The following CDT1 variants were observed in gnomAD, a reference collection of about 807,000 sequenced individuals.
CDT1 encodes the protein chromatin licensing and DNA replication factor 1, also known as DNA replication factor Cdt1.
CDT1 carries 66 observed loss-of-function variants against 49.3 expected under a neutral mutation model. The ratio of observed to expected loss-of-function variants is 1.34; its 90% CI spans 1.10 to 1.64. CDT1 has a LOEUF of 1.64. Ranked by LOEUF, CDT1 falls within the 40% of genes most tolerant of loss-of-function variation. CDT1 has a pLI of 0.00. For synonymous variants in CDT1, 424 were observed against 347.4 expected (o/e 1.22, Z -2.45); for missense variants, 958 against 807.7 (o/e 1.19, Z -2.26).
At chr16:88,805,092 G>C (rs1908800258) in intron 3 of CDT1, among the ~76,000 whole-genome samples, 194 bp downstream of exon 3, 1 of 152,212 alleles carries the variant, frequency 6.6e-6, no homozygotes, top group Non-Finnish European at 1.5e-5. Context: ...TCCCTCCTGC[G>C]GGGGGCAGCT....
chr16:88,804,471 T>G, intron 1 of CDT1, 74 bp from the exon 2 acceptor site: 1 of 1,561,338 alleles, frequency 6.4e-7, no homozygotes, highest in South Asian at 1.2e-5. Context: ...CGGCTTCTGA[T>G]CCTTCGGGGT....
At chr16:88,806,151 G>A (rs1249396136) in intron 6 of CDT1, 30 bp downstream of exon 6, 1 of 1,535,328 alleles carries the variant, frequency 6.5e-7, no homozygotes, top group South Asian at 1.2e-5. Context: ...GCTGTGTGAA[G>A]ATGGTGGCAC....
At chr16:88,806,919 G>C (rs1169320562) in intron 7 of CDT1, 132 bp from the exon 8 acceptor site, 8 of 1,293,402 alleles carry the variant, frequency 6.2e-6, no homozygotes, top group Non-Finnish European at 8.9e-6. Flanking sequence ...CTGGGACACT[G>C]CATTGACCGG....
chr16:88,806,352 AG>A, intron 6 of CDT1, 133 bp from the exon 7 acceptor site: 1 of 1,177,646 alleles, frequency 8.5e-7, no homozygotes. Context: ...TCTCCCTCCA[AG>A]CTGAGCACTG....
At position 88,804,655 on chromosome 16, in the gene CDT1, C is replaced by G. The variant is rs751510412; in HGVS notation, c.339C>G (p.Ser113=). The stretch of plus-strand genomic sequence containing the variant: ...CAGGTCAGCCGCCCCACCTGACATC[C>G]GCGCAGGACCAGGTGAGGGGCGGGG... ...PAAGQPPHLT[S]AQDQDTISEL... Residue 113 remains serine (S), a synonymous_variant, in exon 2 of 10, where the codon TCC becomes TCG. Transcript: ENST00000301019. 11 of 1,612,428 alleles carry G rather than the reference C, an allele frequency of 6.8e-6. No homozygotes were observed. In the Admixed American group the frequency reaches 1.8e-4, roughly 27 times the overall value.
intron 6 of CDT1, 149 bp from the exon 7 acceptor site, chr16:88,806,337 T>C (rs551998879): frequency 1.8e-6 from 2 of 1,095,366 alleles, no homozygotes; most frequent in African/African-American, 1.5e-5. Context: ...TGGGAGGCCT[T>C]GTGCTCTCCC....
Position 88,804,776 on chromosome 16 carries a change from G to A in CDT1, c.366G>A (p.Glu122=). Reference sequence around the variant, plus strand: ...TCCCCCTGAAGGACACCATCTCTGAGCTTGCGTCATGCCTGCAACGGGCCC... The same window carrying A: ...TCCCCCTGAAGGACACCATCTCTGAACTTGCGTCATGCCTGCAACGGGCCC... ...TSAQDQDTIS[E]LASCLQRARE... The change falls in exon 3 of 10, where the codon GAG becomes GAA. Residue 122 remains glutamate (E), a synonymous_variant. Transcript: ENST00000301019. 1 of 1,612,884 alleles carries A rather than the reference G, an allele frequency of 6.2e-7. No individual in the cohort carries two copies. The highest frequency in any genetic ancestry group is 8.5e-7 in the Non-Finnish European group (1 of 1,179,896).
At chr16:88,806,751 G>A in intron 7 of CDT1, 77 bp downstream of exon 7, 2 of 1,517,486 alleles carry the variant, frequency 1.3e-6, no homozygotes, top group East Asian at 2.5e-5. Context: ...AGAGGTGGAA[G>A]CCTTGGTGAT....
In CDT1 at chr16:88,806,523, C is replaced by G; in HGVS notation, c.971C>G (p.Pro324Arg). ...LASLSPAMVV[P>R]EDQLTRWHPR... The stretch of plus-strand genomic sequence containing the variant: ...TCCCTGAGCCCCGCCATGGTGGTGC[C>G]GGAGGACCAGCTGACCCGCTGGCAC... The change falls in exon 7 of 10, where the codon CCG (proline) becomes CGG (arginine). Residue 324 changes from proline to arginine, a missense_variant. Coordinates refer to ENST00000301019, the MANE Select transcript of CDT1 (RefSeq NM_030928.4). The G allele has an allele frequency of 2.5e-6, 4 of 1,610,846 alleles. No homozygotes were observed. The highest frequency in any genetic ancestry group is 3.4e-6 in the Non-Finnish European group (4 of 1,179,190).
chr16:88,807,181 T>C lies in CDT1; in HGVS notation c.1253T>C (p.Val418Ala). 6.2e-7 allele frequency: 1 copy of C among 1,612,246 alleles called. No individual in the cohort carries two copies. Among genetic ancestry groups the C allele is most frequent in the Non-Finnish European group, 8.5e-7 (1 of 1,179,760 alleles). ...PAASPSALKG[V>A]SQDLLERIRA... ...GCCTCTCCCAGTGCTCTGAAGGGGG[T>C]GTCCCAGGATCTGCTGGAGCGGGTG... Residue 418 changes from valine to alanine, a missense_variant, in exon 8 of 10, where the codon GTG (valine) becomes GCG (alanine). Val to Ala is a moderately conservative substitution (Grantham distance 64, BLOSUM62 0). Transcript: ENST00000301019.
rs755120855 is a variant in CDT1 at position 88,804,527 on chromosome 16, T to G, written c.229-18T>G. The G allele has an allele frequency of 3.7e-6, 6 of 1,610,628 alleles. No individual in the cohort carries two copies. Among genetic ancestry groups the G allele is most frequent in the Non-Finnish European group, 5.1e-6 (6 of 1,178,680 alleles). On this transcript the variant is annotated intron_variant, in intron 1 of 9. Coordinates refer to ENST00000301019, the MANE Select transcript of CDT1 (RefSeq NM_030928.4). ...CCAGGTCTTGTCATGAGTTCACCCT[T>G]GGGGTCCCTCCCACCAGGTTTCCAG...
intron 3 of CDT1, 116 bp from the exon 4 acceptor site, chr16:88,805,324 C>A: frequency 7.8e-7 from 1 of 1,276,984 alleles, no homozygotes; most frequent in Non-Finnish European, 1.1e-6. Context: ...GCCGCGAAAG[C>A]CATCGTGTGT....
rs537460175 is a variant in CDT1, at chr16:88,804,211, A to T, written c.228+152A>T. The T allele has an allele frequency of 7.2e-3, 4,720 of 657,276 alleles. 34 individuals carry two copies. Among genetic ancestry groups the T allele is most frequent in the Middle Eastern group, 0.018 (40 of 2,214 alleles). The allele number at this position is 657,276 out of a possible 1,614,324, so 40.7% of individuals were successfully genotyped here. A position where few individuals can be genotyped will look rare whatever the true frequency, so the allele number is the denominator to read the frequency against. Reference sequence around the variant, plus strand: ...AGGGAACTCTGGGACAGGCCGGGGGATCCTGGGGGCGCCCTGCCACCACTG... The same window carrying T: ...AGGGAACTCTGGGACAGGCCGGGGGTTCCTGGGGGCGCCCTGCCACCACTG... On this transcript the variant is annotated intron_variant, in intron 1 of 9. Coordinates refer to ENST00000301019, the MANE Select transcript of CDT1 (RefSeq NM_030928.4).
At chr16:88,808,080 A>C in intron 9 of CDT1, 35 bp from the exon 10 acceptor site, 2 of 1,604,826 alleles carry the variant, frequency 1.2e-6, no homozygotes, top group African/African-American at 1.3e-5. Context: ...GCTGGGGCCC[A>C]GCACCAGCCT....
intron 6 of CDT1, 120 bp downstream of exon 6, chr16:88,806,241 G>A (rs911978024): frequency 1.8e-6 from 2 of 1,113,258 alleles, no homozygotes; most frequent in Admixed American, 2.0e-5. Flanking sequence ...ACTGGGCTGG[G>A]TTCACCCTGA....
intron 5 of CDT1, 30 bp downstream of exon 5, chr16:88,805,899 C>A (rs780901003): frequency 6.2e-7 from 1 of 1,610,770 alleles, no homozygotes. Flanking sequence ...CCTCGGTTTC[C>A]CCATCTGTGA....
Position 88,808,385 on chromosome 16 carries a change from C to T in CDT1, c.*107C>T, listed in dbSNP as rs775531035. ...TACACTTTGGCCTTCCTTTCCCCAGCGCCCCTGAGGGCCAGAGGCAGATGT... is the reference window on the plus strand; with the variant it reads ...TACACTTTGGCCTTCCTTTCCCCAGTGCCCCTGAGGGCCAGAGGCAGATGT... On this transcript the variant is annotated 3_prime_UTR_variant, in exon 10 of 10. Transcript: ENST00000301019. 1.7e-5 allele frequency: 23 copies of T among 1,317,096 alleles called. No individual in the cohort carries two copies. The highest frequency in any genetic ancestry group is 7.6e-5 in the East Asian group (3 of 39,452). 81.6% of individuals were successfully genotyped at this position (1,317,096 alleles called of 1,614,324 possible). A position where few individuals can be genotyped will look rare whatever the true frequency, so the allele number is the denominator to read the frequency against.
chr16:88,805,226 G>A (rs533579466), intron 3 of CDT1, among the ~76,000 whole-genome samples: 3 of 152,368 alleles, frequency 2.0e-5, no homozygotes, highest in Admixed American at 2.0e-4. Context: ...GGGGAGCTGC[G>A]TGGACACAGC....
rs1337000526 is a variant in CDT1, at chr16:88,804,593, T to C, written c.277T>C (p.Ser93Pro). The C allele has an allele frequency of 6.2e-7, 1 of 1,612,880 alleles. No individual in the cohort carries two copies. The stretch of plus-strand genomic sequence containing the variant: ...GGCCCCAGACATCCCAGCCTGCCCT[T>C]CTCCGGGCCAGAAGATAAAGAAATC... ...PEAPDIPACP[S>P]PGQKIKKSTP... Residue 93 changes from serine to proline, a missense_variant, in exon 2 of 10, where the codon TCT becomes CCT. Transcript: ENST00000301019.
Sources: gnomAD v4.1 joint callset for allele counts (sites outside exome capture counted in the v4.1 genomes callset) on GRCh38, gnomAD v4.1.1 for gene constraint, MANE v1.5 for transcripts, NCBI Gene and HGNC (gene_info 2026-07-23, HGNC 2026-07-21) for gene names.